The following LRRC37A2 variants were observed in gnomAD, a reference collection of about 807,000 sequenced individuals.
LRRC37A2 encodes leucine-rich repeat-containing protein 37A2.
A neutral mutation model predicts 68.8 loss-of-function variants in LRRC37A2; 9 were observed. That is an observed-to-expected ratio of 0.13 (90% confidence interval 0.08 to 0.23). The LOEUF (loss-of-function observed/expected upper bound fraction) is 0.23, where lower values mean the gene tolerates loss of function less well. Among genes scored for constraint, LRRC37A2 ranks in the 10% least tolerant of loss-of-function variants. The pLI, the probability that LRRC37A2 is intolerant of heterozygous loss-of-function variation, is 1.00. For synonymous variants in LRRC37A2, 63 were observed against 367.6 expected, an observed-to-expected ratio of 0.17 and a Z score of 9.48; for missense variants, 168 against 950.4, an observed-to-expected ratio of 0.18 and a Z score of 10.82.
At chr17:46,926,910 C>T in the LRRC37A2 span, among the ~76,000 whole-genome samples, 44 of 152,334 alleles carry the variant, frequency 2.9e-4, no homozygotes, top group African/African-American at 1.1e-3. Context: ...CAGAACCTCT[C>T]TAGGACACAT....
At chr17:47,012,598 T>C in the LRRC37A2 span, among the ~76,000 whole-genome samples, 1 of 152,106 alleles carries the variant, frequency 6.6e-6, no homozygotes, top group African/African-American at 2.4e-5. Context: ...CCCAAAGATA[T>C]ACAATGGCCA....
chr17:46,830,705 G>T, the LRRC37A2 span: 1 of 398,606 alleles, frequency 2.5e-6, no homozygotes, highest in Non-Finnish European at 4.4e-6. Flanking sequence ...CATTTTGATG[G>T]CTAGTGGTGA....
chr17:46,836,096 G>A, the LRRC37A2 span, among the ~76,000 whole-genome samples: 47 of 24,454 alleles, frequency 1.9e-3, no homozygotes, highest in African/African-American at 8.1e-3. Flanking sequence ...AGACGCTGAC[G>A]TGTGTGTGTG....
chr17:46,737,589 G>C, the LRRC37A2 span, among the ~76,000 whole-genome samples: 1 of 151,850 alleles, frequency 6.6e-6, no homozygotes, highest in Non-Finnish European at 1.5e-5. Flanking sequence ...GTGTGTGTGT[G>C]TGTGTGTGTG....
chr17:46,774,866 C>T, the LRRC37A2 span, among the ~76,000 whole-genome samples: 4 of 152,146 alleles, frequency 2.6e-5, no homozygotes, highest in Admixed American at 6.5e-5. Flanking sequence ...GAAAATGATC[C>T]GTGAGTGTCA....
chr17:46,479,674 A>AT, the LRRC37A2 span, among the ~76,000 whole-genome samples: 1 of 102,518 alleles, frequency 9.8e-6, no homozygotes, highest in Non-Finnish European at 2.2e-5. Context: ...CGCCCAGCTA[A>AT]TTTTTTGTAT....
At chr17:46,781,192 C>T in the LRRC37A2 span, among the ~76,000 whole-genome samples, 1 of 150,736 alleles carries the variant, frequency 6.6e-6, no homozygotes, top group Admixed American at 6.6e-5. Context: ...CGCCACTGCA[C>T]TCCAGCTTGG....
the LRRC37A2 span, among the ~76,000 whole-genome samples, chr17:46,752,405 C>T: frequency 6.6e-6 from 1 of 152,188 alleles, no homozygotes; most frequent in Non-Finnish European, 1.5e-5. Flanking sequence ...ATTGAGTCCA[C>T]AGCCCCTGGA....
chr17:46,809,021 G>A, the LRRC37A2 span, among the ~76,000 whole-genome samples: 1 of 152,180 alleles, frequency 6.6e-6, no homozygotes, highest in South Asian at 2.1e-4. Context: ...ACAGGCCCCA[G>A]GTTGGGCTGC....
At chr17:46,987,379 G>A in the LRRC37A2 span, among the ~76,000 whole-genome samples, 2 of 151,972 alleles carry the variant, frequency 1.3e-5, no homozygotes, top group Non-Finnish European at 2.9e-5. Flanking sequence ...CAAAACACAG[G>A]GGAGACACAC....
At chr17:46,569,329 G>A in the LRRC37A2 span, among the ~76,000 whole-genome samples, 3 of 149,740 alleles carry the variant, frequency 2.0e-5, no homozygotes, top group African/African-American at 2.5e-5. Flanking sequence ...TTTTGGAGAT[G>A]TTATAATAGC....
the LRRC37A2 span, chr17:46,875,213 G>A: frequency 4.0e-5 from 65 of 1,614,066 alleles, no homozygotes; most frequent in Non-Finnish European, 4.5e-5. Flanking sequence ...ATGACTCTCC[G>A]GGGCTGGAGA....
At chr17:46,893,060 G>A in the LRRC37A2 span, among the ~76,000 whole-genome samples, 1 of 151,862 alleles carries the variant, frequency 6.6e-6, no homozygotes, top group African/African-American at 2.4e-5. Context: ...CAGCCTCCTG[G>A]GTAGCCGGGA....
chr17:47,011,734 T>C, the LRRC37A2 span, among the ~76,000 whole-genome samples: 1 of 152,026 alleles, frequency 6.6e-6, no homozygotes, highest in Non-Finnish European at 1.5e-5. Flanking sequence ...GCATTGGCCA[T>C]TTTGAGCAAT....
the LRRC37A2 span, among the ~76,000 whole-genome samples, chr17:46,850,686 C>T: frequency 5.3e-5 from 8 of 152,216 alleles, no homozygotes; most frequent in African/African-American, 1.4e-4. Flanking sequence ...ACAGGTACCA[C>T]GCGCCGCTTT....
the LRRC37A2 span, among the ~76,000 whole-genome samples, chr17:46,839,168 G>A: frequency 2.0e-5 from 3 of 152,192 alleles, no homozygotes; most frequent in Non-Finnish European, 4.4e-5. Context: ...GTGAGCCACC[G>A]CACCTGGCCT....
At chr17:46,891,775 C>G in the LRRC37A2 span, among the ~76,000 whole-genome samples, 1 of 152,192 alleles carries the variant, frequency 6.6e-6, no homozygotes, top group East Asian at 1.9e-4. Context: ...CCAGAGGACT[C>G]CCCTCTGCAG....
At chr17:46,818,558 G>GCAC in the LRRC37A2 span, 1 of 1,609,062 alleles carries the variant, frequency 6.2e-7, no homozygotes, top group Non-Finnish European at 8.5e-7. Context: ...GTGCCACCGA[G>GCAC]CAGGAGGCCG....
At chr17:46,980,158 G>T in the LRRC37A2 span, among the ~76,000 whole-genome samples, 1 of 151,466 alleles carries the variant, frequency 6.6e-6, no homozygotes, top group African/African-American at 2.4e-5. Context: ...TCAGATGTGG[G>T]ATGGGGCCCC....
Sources: gnomAD v4.1 joint callset for allele counts (sites outside exome capture counted in the v4.1 genomes callset) on GRCh38, gnomAD v4.1.1 for gene constraint, MANE v1.5 for transcripts, NCBI Gene and HGNC (gene_info 2026-07-23, HGNC 2026-07-21) for gene names.